Variants in PDGFD observed in about 807,000 individuals in gnomAD.
PDGFD encodes platelet-derived growth factor D.
A neutral mutation model predicts 44.7 loss-of-function variants in PDGFD; 30 were observed. That is an observed-to-expected ratio of 0.67 (90% CI 0.50 to 0.91). The LOEUF (loss-of-function observed/expected upper bound fraction) is 0.91, where lower values mean the gene tolerates loss of function less well. PDGFD is among the 40% of genes least tolerant of loss of function. The probability of loss-of-function intolerance (pLI) is 0.00; values close to 1 mark genes in which losing one functional copy is unlikely to be tolerated. For missense variants in PDGFD, 445 were observed against 457.8 expected, an observed-to-expected ratio of 0.97 and a Z score of 0.25; for synonymous variants, 173 against 168.4, an observed-to-expected ratio of 1.03 and a Z score of -0.21.
rs1565347744 is a variant in PDGFD, at chr11:104,144,538, A to AAAAAACC, written c.124+19265_124+19266insGGTTTTT. 1.3e-3 allele frequency among the ~76,000 whole-genome samples: 180 copies of AAAAAACC among 134,170 alleles called. 8 individuals are homozygous for AAAAAACC. Among genetic ancestry groups the AAAAAACC allele is most frequent in the African/African-American group, 5.1e-3 (163 of 32,246 alleles). 88.0% of individuals were successfully genotyped at this position (134,170 alleles called of 152,430 possible). On this transcript the variant is annotated intron_variant, in intron 1 of 6. Coordinates refer to ENST00000393158, the MANE Select transcript of PDGFD (RefSeq NM_025208.5). ...AAAAAAAAAAAAAAAACCCAACAAA[A>AAAAAACC]CAAAACAAACAAACAAAAAGGCCAA...
intron 5 of PDGFD, among the ~76,000 whole-genome samples, chr11:103,933,490 T>C (rs1858438643): frequency 6.6e-6 from 1 of 152,234 alleles, no homozygotes; most frequent in African/African-American, 2.4e-5. Flanking sequence ...CACTGAATTT[T>C]GTGACTCCAC....
rs896249048 is a variant in PDGFD, at chr11:103,984,236, A to G, written c.510+11829T>C. ...ATGGAATACAATGCAGCCATAAAAA[A>G]GAATGACACCACATCCTTTGCAGGG... On this transcript the variant is annotated intron_variant, in intron 3 of 6. Transcript: ENST00000393158. Among the ~76,000 whole-genome samples, 17 of 151,928 alleles carry G rather than the reference A, an allele frequency of 1.1e-4. 1 individual carries two copies. The highest frequency in any genetic ancestry group is 4.1e-4 in the African/African-American group (17 of 41,230).
At chr11:104,066,629 C>A (rs776683432) in intron 1 of PDGFD, among the ~76,000 whole-genome samples, 170 of 152,158 alleles carry the variant, frequency 1.1e-3, no homozygotes, top group African/African-American at 3.9e-3. Flanking sequence ...TAATTTAATA[C>A]CTGTTATAAT....
intron 1 of PDGFD, among the ~76,000 whole-genome samples, chr11:104,103,686 C>G (rs917032221): frequency 4.6e-5 from 7 of 151,748 alleles, no homozygotes; most frequent in Non-Finnish European, 8.8e-5. Flanking sequence ...CTGCAGCCAT[C>G]CTAACATCAT....
chr11:103,985,822 C>A (rs1859354856), intron 3 of PDGFD, among the ~76,000 whole-genome samples: 1 of 152,050 alleles, frequency 6.6e-6, no homozygotes, highest in Non-Finnish European at 1.5e-5. Context: ...CACAGCTCTA[C>A]ATTAGCAGGT....
At chr11:103,917,485 C>T (rs1017904469) in intron 6 of PDGFD, among the ~76,000 whole-genome samples, 1 of 152,050 alleles carries the variant, frequency 6.6e-6, no homozygotes, top group South Asian at 2.1e-4. Context: ...TCCCGGTTAG[C>T]CTTTATTTTT....
chr11:104,004,964 C>T (rs1025898082), intron 1 of PDGFD, among the ~76,000 whole-genome samples: 19 of 146,330 alleles, frequency 1.3e-4, no homozygotes, highest in African/African-American at 3.8e-4. Context: ...CTGCAACCTC[C>T]GCCTCCCGGG....
chr11:104,141,383 A>G (rs1253045652), intron 1 of PDGFD, among the ~76,000 whole-genome samples: 1 of 147,844 alleles, frequency 6.8e-6, no homozygotes, highest in Non-Finnish European at 1.5e-5. Flanking sequence ...TTGGAACGAT[A>G]CAGAGATTTA....
intron 5 of PDGFD, among the ~76,000 whole-genome samples, chr11:103,930,916 G>A (rs1034251078): frequency 4.6e-5 from 7 of 152,082 alleles, no homozygotes; most frequent in Non-Finnish European, 5.9e-5. Context: ...AAAACATTTC[G>A]TCCTTTTATC....
chr11:103,949,956 A>T (rs1858724283), intron 3 of PDGFD, among the ~76,000 whole-genome samples: 1 of 152,208 alleles, frequency 6.6e-6, no homozygotes, highest in Non-Finnish European at 1.5e-5. Context: ...ATACAGAAAA[A>T]TAAACAACTT....
chr11:104,123,383 C>T (rs527329152), intron 1 of PDGFD, among the ~76,000 whole-genome samples: 1 of 152,058 alleles, frequency 6.6e-6, no homozygotes, highest in East Asian at 1.9e-4. Flanking sequence ...AAGCAAACAG[C>T]GTAGCAGGGC....
intron 1 of PDGFD, among the ~76,000 whole-genome samples, chr11:104,122,387 C>T (rs1161047521): frequency 6.6e-6 from 1 of 151,994 alleles, no homozygotes; most frequent in Non-Finnish European, 1.5e-5. Flanking sequence ...TTAGTCCTAA[C>T]CAGCTTTTCT....
chr11:103,920,273 G>T (rs1221190300), intron 6 of PDGFD, among the ~76,000 whole-genome samples: 1 of 152,210 alleles, frequency 6.6e-6, no homozygotes, highest in Admixed American at 6.5e-5. Flanking sequence ...GATGCGTTCT[G>T]TGAGACTCTA....
chr11:104,150,383 A>G (rs1483942691), intron 1 of PDGFD, among the ~76,000 whole-genome samples: 1 of 152,166 alleles, frequency 6.6e-6, no homozygotes, highest in East Asian at 1.9e-4. Context: ...TAAACTGTCA[A>G]TATAGATTTA....
chr11:104,144,131 G>C (rs1198455119), intron 1 of PDGFD, among the ~76,000 whole-genome samples: 1 of 152,034 alleles, frequency 6.6e-6, no homozygotes, highest in Non-Finnish European at 1.5e-5. Context: ...GTGGAACACT[G>C]GAGGTTAAGA....
chr11:104,132,848 C>T (rs1861943797), intron 1 of PDGFD, among the ~76,000 whole-genome samples: 2 of 152,034 alleles, frequency 1.3e-5, no homozygotes, highest in Admixed American at 6.6e-5. Context: ...GAGAATATAA[C>T]AAATGAACAA....
At chr11:104,147,387 T>C (rs1488819297) in intron 1 of PDGFD, among the ~76,000 whole-genome samples, 2 of 152,146 alleles carry the variant, frequency 1.3e-5, no homozygotes, top group Non-Finnish European at 2.9e-5. Flanking sequence ...TAAGGAAACA[T>C]AGGATACCCT....
chr11:104,036,771 G>A (rs371355336), intron 1 of PDGFD: 3 of 1,464,442 alleles, frequency 2.0e-6, no homozygotes, highest in African/African-American at 1.4e-5. Flanking sequence ...GCCCCAGCCC[G>A]CCAGTGAGCC....
At chr11:103,934,528 G>C (rs540128299) in intron 5 of PDGFD, among the ~76,000 whole-genome samples, 1 of 152,316 alleles carries the variant, frequency 6.6e-6, no homozygotes, top group South Asian at 2.1e-4. Context: ...ACCCAAGACT[G>C]GGTAGTTTAT....
Sources: allele counts gnomAD v4.1 joint callset (sites outside exome capture counted in the v4.1 genomes callset), GRCh38; gene constraint gnomAD v4.1.1; transcripts MANE v1.5; gene names NCBI Gene and HGNC (gene_info 2026-07-23, HGNC 2026-07-21).